The following COL5A3 variants were observed in gnomAD, a reference collection of about 807,000 sequenced individuals.
COL5A3 encodes the protein collagen alpha-3(V) chain.
A neutral mutation model predicts 250.0 loss-of-function variants in COL5A3; 172 were observed. The observed-to-expected ratio is 0.69, with a 90% CI of 0.61 to 0.78. The LOEUF (loss-of-function observed/expected upper bound fraction) is 0.78. Among genes scored for constraint, COL5A3 ranks in the 30% least tolerant of loss-of-function variants. The pLI, the probability that COL5A3 is intolerant of heterozygous loss-of-function variation, is 0.00. For synonymous variants in COL5A3, 937 were observed against 900.4 expected (o/e 1.04, Z -0.73); for missense variants, 2,340 against 2,334.4 (o/e 1.00, Z -0.05).
intron 1 of COL5A3, among the ~76,000 whole-genome samples, chr19:10,008,143 A>C (rs2087468617): frequency 6.6e-6 from 1 of 152,052 alleles, no homozygotes; most frequent in Admixed American, 6.5e-5. Context: ...CAATCATCCC[A>C]GCTGCCCCAT....
Position 10,006,040 on chromosome 19 carries a change from G to A in COL5A3, c.247+33C>T, listed in dbSNP as rs199686979. On this transcript the variant is annotated intron_variant, in intron 2 of 66. Coordinates refer to ENST00000264828, the MANE Select transcript of COL5A3 (RefSeq NM_015719.4). ...AGAGGGCCCAGCAGTGCCTCCCTCC[G>A]GGGAGGTACCCAGGCCTCCTACTCC... The A allele has an allele frequency of 3.4e-5, 55 of 1,611,416 alleles. No individual in the cohort carries two copies. In the East Asian group the frequency reaches 7.8e-4, roughly 23 times the overall value.
intron 31 of COL5A3, among the ~76,000 whole-genome samples, chr19:9,983,874 A>AG (rs1404037371): frequency 6.6e-6 from 1 of 151,854 alleles, no homozygotes; most frequent in Non-Finnish European, 1.5e-5. Context: ...TCTAAGTTAA[A>AG]GGAAAAGGAG....
intron 22 of COL5A3, 70 bp from the exon 23 acceptor site, chr19:9,991,911 T>TGG (rs200553692): frequency 4.5e-6 from 7 of 1,549,592 alleles, no homozygotes; most frequent in Admixed American, 3.4e-5. Context: ...GAAATTGACT[T>TGG]GGGGGGGGTC....
At position 10,007,161 on chromosome 19, in the gene COL5A3, TTTCCCCTCTGACCTCCTCCCTCTGACA is replaced by T. The variant is rs1464850668; in HGVS notation, c.89-957_89-931del. On this transcript the variant is annotated intron_variant, in intron 1 of 66. Coordinates refer to ENST00000264828, the MANE Select transcript of COL5A3 (RefSeq NM_015719.4). ...CCTCCCCTCTGATCTCTCCTCTGAC[TTTCCCCTCTGACCTCCTCCCTCTGACA>T]TTCCCCTCTGACCTCCTCCCTCTGA... Among the ~76,000 whole-genome samples the T allele has an allele frequency of 1.1e-3, 163 of 147,444 alleles. 1 individual carries two copies. Among genetic ancestry groups the T allele is most frequent in the African/African-American group, 3.8e-3 (152 of 39,598 alleles).
At position 10,008,083 on chromosome 19, in the gene COL5A3, G is replaced by A. The variant is rs371802887; in HGVS notation, c.89-1852C>T. On this transcript the variant is annotated intron_variant, in intron 1 of 66. Coordinates refer to ENST00000264828, the MANE Select transcript of COL5A3 (RefSeq NM_015719.4). The stretch of plus-strand genomic sequence containing the variant: ...CTGGGTTGCAGTCCCCTGGGGCTGA[G>A]ATCTGGGCTCCCAGGCTCTGCTGAC... 1.3e-4 allele frequency among the ~76,000 whole-genome samples: 20 copies of A among 152,176 alleles called. No individual in the cohort carries two copies. In the South Asian group the frequency reaches 2.9e-3, roughly 22 times the overall value.
Position 9,970,640 on chromosome 19 carries a change from G to A in COL5A3, c.3918C>T (p.Pro1306=), listed in dbSNP as rs765409239. Residue 1306 remains proline, a synonymous_variant, in exon 54 of 67, where the codon CCC becomes CCT. Transcript: ENST00000264828. ...CACTTACCCTCTTGCCGGGGGGCCCGGGGGCGCCGGGCTCCCCAGAAGCTC... is the reference window on the plus strand; with the variant it reads ...CACTTACCCTCTTGCCGGGGGGCCCAGGGGCGCCGGGCTCCCCAGAAGCTC... ...PPGASGEPGA[P]GPPGKRGPSG... The A allele has an allele frequency of 9.7e-6, 14 of 1,444,768 alleles. No homozygotes were observed. The African/African-American group carries it at 1.2e-4, about 12-fold the overall frequency. The allele number at this position is 1,444,768 out of a possible 1,614,324, so 89.5% of individuals were successfully genotyped here.
Position 9,977,491 on chromosome 19 carries a change from A to AG in COL5A3, c.3127-20dup, listed in dbSNP as rs773493120. Reference sequence around the variant, plus strand: ...GTTCTCCCTGTTGTGGGGAATGGAAAGGGGGATGTCAGGGCAGGAATGTCC... The same window carrying AG: ...GTTCTCCCTGTTGTGGGGAATGGAAAGGGGGGATGTCAGGGCAGGAATGTCC... On this transcript the variant is annotated intron_variant, in intron 42 of 66. Coordinates refer to ENST00000264828, the MANE Select transcript of COL5A3 (RefSeq NM_015719.4). 2.7e-6 allele frequency: 4 copies of AG among 1,507,050 alleles called. No individual in the cohort carries two copies. The highest frequency in any genetic ancestry group is 3.6e-6 in the Non-Finnish European group (4 of 1,123,712). The allele number at this position is 1,507,050 out of a possible 1,614,324, so 93.4% of individuals were successfully genotyped here.
At chr19:9,979,260 T>C in intron 38 of COL5A3, 21 bp from the exon 39 acceptor site, 1 of 1,604,444 alleles carries the variant, frequency 6.2e-7, no homozygotes, top group Non-Finnish European at 8.5e-7. Flanking sequence ...AGAAGGCTCC[T>C]GTTGAGTGGG....
At position 9,974,763 on chromosome 19, in the gene COL5A3, G is replaced by C. The variant is rs183854467; in HGVS notation, c.3343-355C>G. 4.5e-3 allele frequency among the ~76,000 whole-genome samples: 686 copies of C among 152,160 alleles called. 7 individuals carry two copies. Among genetic ancestry groups the C allele is most frequent in the Middle Eastern group, 0.014 (4 of 294 alleles). On this transcript the variant is annotated intron_variant, in intron 45 of 66. Transcript: ENST00000264828. Reference sequence around the variant, plus strand: ...TCAGCATTGGAAGAGTTGGGTCAGAGTTGGGGTTAAGGATAGGGCCGTATG... The same window carrying C: ...TCAGCATTGGAAGAGTTGGGTCAGACTTGGGGTTAAGGATAGGGCCGTATG...
intron 8 of COL5A3, 98 bp from the exon 9 acceptor site, chr19:9,998,247 C>CAA (rs1318902404): frequency 8.5e-7 from 1 of 1,183,130 alleles, no homozygotes; most frequent in Non-Finnish European, 1.2e-6. Context: ...CACACACACA[C>CAA]ACACACACAC....
At chr19:9,998,897 C>A (rs1440441096) in intron 8 of COL5A3, among the ~76,000 whole-genome samples, 1 of 151,932 alleles carries the variant, frequency 6.6e-6, no homozygotes, top group Non-Finnish European at 1.5e-5. Flanking sequence ...GTTGGTTAGG[C>A]TGGTCTCGAA....
At position 9,969,901 on chromosome 19, in the gene COL5A3, G is replaced by A. The variant is rs768193313; in HGVS notation, c.3958C>T (p.Arg1320Ter). Residue 1320 changes from arginine to a stop codon, truncating the protein, a stop_gained, in exon 55 of 67, where the codon CGA becomes TGA. Coordinates refer to ENST00000264828, the MANE Select transcript of COL5A3 (RefSeq NM_015719.4). LOFTEE classifies it high-confidence loss of function. The part of the protein sequence containing the change: ...GKRGPSGHMG[R>*]EGREGEKGAK... ...CCTTTCTCCCCTTCTCTGCCTTCTC[G>A]ACCCATGTGGCCTGAAGGACCCTTG... The A allele has an allele frequency of 3.2e-5, 52 of 1,612,284 alleles. No homozygotes were observed. Among genetic ancestry groups the A allele is most frequent in the East Asian group, 4.5e-5 (2 of 44,762 alleles).
In COL5A3 at chr19:10,003,636, T is replaced by C. The variant is rs760277071; in HGVS notation, c.778A>G (p.Lys260Glu). 3 of 1,614,198 alleles carry C rather than the reference T, an allele frequency of 1.9e-6. No homozygotes were observed. Among genetic ancestry groups the C allele is most frequent in the Non-Finnish European group, 2.5e-6 (3 of 1,180,038 alleles). Residue 260 changes from lysine (K) to glutamate (E), a missense_variant, in exon 6 of 67, where the codon AAG becomes GAG. Lys to Glu is a moderately conservative substitution (Grantham distance 56). Around this residue, in one of 3 missense-constraint regions of COL5A3, gnomAD observed 1,152 missense variants for 1,146.3 expected, o/e 1.00. Transcript: ENST00000264828. Reference sequence around the variant, plus strand: ...TTGTTCTTTTTCCTGCCCTTCCCCTTGCGACCTCGCCCTTTCTTCCTCCCT... The same window carrying C: ...TTGTTCTTTTTCCTGCCCTTCCCCTCGCGACCTCGCCCTTTCTTCCTCCCT... ...GKGRKKGRGR[K>E]GKGRKKNKEI...
intron 16 of COL5A3, 30 bp downstream of exon 16, chr19:9,995,534 G>T: frequency 6.3e-7 from 1 of 1,597,000 alleles, no homozygotes; most frequent in Non-Finnish European, 8.5e-7. Flanking sequence ...GATGGATAAG[G>T]GGTGGTCTGG....
intron 27 of COL5A3, 121 bp from the exon 28 acceptor site, chr19:9,986,879 G>A (rs2145110142): frequency 2.0e-6 from 2 of 998,856 alleles, no homozygotes; most frequent in Non-Finnish European, 3.0e-6. Flanking sequence ...GAAGCTGGGA[G>A]GGGCAGCTTC....
chr19:10,010,153 T>A, intron 1 of COL5A3, 145 bp downstream of exon 1: 1 of 178,416 alleles, frequency 5.6e-6, no homozygotes, highest in Non-Finnish European at 1.1e-5. Flanking sequence ...CAGAGTCAGA[T>A]ACTCATGCGC....
chr19:9,962,711 A>G, intron 65 of COL5A3, 108 bp downstream of exon 65: 1 of 794,788 alleles, frequency 1.3e-6, no homozygotes, highest in Non-Finnish European at 2.0e-6. Context: ...AGGAAGGTAG[A>G]GGAAAGCCTA....
In COL5A3 at chr19:9,979,130, AC is replaced by A; in HGVS notation, c.2874+1del. On this transcript the variant is annotated splice_donor_variant, in intron 39 of 66. Transcript: ENST00000264828. LOFTEE classifies it high-confidence loss of function. ...CAAGATCTCCAGTGGACAGTGTCTCACCTTGGCCCCCTCTCTGCCTTCCAGG... is the reference window on the plus strand; with the variant it reads ...CAAGATCTCCAGTGGACAGTGTCTCACTTGGCCCCCTCTCTGCCTTCCAGG... The A allele has an allele frequency of 6.3e-7, 1 of 1,575,994 alleles. No homozygotes were observed.
Position 9,962,903 on chromosome 19 carries a change from G to T in COL5A3, c.4783-16C>A. ...CCAATTTCACCTGGAAGAGAAAAGG[G>T]AGGGTCACTGTAGCTGACGCCCTTG... On this transcript the variant is annotated splice_polypyrimidine_tract_variant and intron_variant, in intron 64 of 66. Transcript: ENST00000264828. The T allele has an allele frequency of 1.9e-6, 3 of 1,600,818 alleles. No homozygotes were observed. Among genetic ancestry groups the T allele is most frequent in the Non-Finnish European group, 2.6e-6 (3 of 1,171,408 alleles).
Sources: allele counts gnomAD v4.1 joint callset (sites outside exome capture counted in the v4.1 genomes callset), GRCh38; gene constraint gnomAD v4.1.1; regional missense constraint gnomAD v4.1.1; transcripts MANE v1.5; gene names NCBI Gene and HGNC (gene_info 2026-07-23, HGNC 2026-07-21).